RLIM: variants seen among roughly 807,000 people sequenced by gnomAD.
RLIM encodes ring finger protein, LIM domain interacting, also known as E3 ubiquitin-protein ligase RLIM.
Under a neutral mutation model 34.0 loss-of-function variants are expected in RLIM, and 2 were observed. The ratio of observed to expected loss-of-function variants is 0.06; its 90% CI spans 0.02 to 0.19. The LOEUF (loss-of-function observed/expected upper bound fraction) is 0.19. Ranked by LOEUF, RLIM falls within the 10% of genes least tolerant of loss-of-function variation. RLIM has a pLI of 1.00. For missense variants in RLIM, 286 were observed against 479.7 expected, an observed-to-expected ratio of 0.60 and a Z score of 3.77; for synonymous variants, 169 against 164.0, an observed-to-expected ratio of 1.03 and a Z score of -0.23.
At position 74,589,099 on chromosome X, in the gene RLIM, T is replaced by C. The variant is rs2079601257; in HGVS notation, c.*2341A>G. 1 of 111,977 alleles carries C rather than the reference T, an allele frequency of 8.9e-6. No homozygotes were observed. The highest frequency in any genetic ancestry group is 9.5e-5 in the Admixed American group (1 of 10,491). 9.2% of individuals were successfully genotyped at this position (111,977 alleles called of 1,213,427 possible). A position where few individuals can be genotyped will look rare whatever the true frequency, so the allele number is the denominator to read the frequency against. On this transcript the variant is annotated 3_prime_UTR_variant, in exon 4 of 4. Coordinates refer to ENST00000332687, the MANE Select transcript of RLIM (RefSeq NM_016120.4). ...TCAATATCTACATTCATAGCCAGCA[T>C]TCTGCTTGAGTTACCTCTTACTTTA... is the stretch of plus-strand genomic sequence containing the variant.
chrX:74,610,223 C>G (rs1437390314), intron 1 of RLIM, among the ~76,000 whole-genome samples: 1 of 111,527 alleles, frequency 9.0e-6, no homozygotes, highest in African/African-American at 3.3e-5. Flanking sequence ...TCAAGACCAG[C>G]TTGGCCAACA....
At chrX:74,605,241 C>T (rs1413421683) in intron 1 of RLIM, among the ~76,000 whole-genome samples, 1 of 112,246 alleles carries the variant, frequency 8.9e-6, no homozygotes, top group African/African-American at 3.2e-5. Flanking sequence ...TTTAAGCAGA[C>T]CTTCACTATC....
At chrX:74,612,876 A>C (rs1184834626) in intron 1 of RLIM, among the ~76,000 whole-genome samples, 3 of 111,891 alleles carry the variant, frequency 2.7e-5, no homozygotes, top group African/African-American at 9.7e-5. Flanking sequence ...GCTTAAAATA[A>C]GCCTTTCCTT....
rs1931274923 is a variant in RLIM at position 74,583,675 on chromosome X, A to AAGGTG, written c.*7760_*7764dup. 2.6e-6 allele frequency: 1 copy of AAGGTG among 381,551 alleles called. No individual in the cohort carries two copies. Among genetic ancestry groups the AAGGTG allele is most frequent in the Non-Finnish European group, 4.6e-6 (1 of 218,444 alleles). The allele number at this position is 381,551 out of a possible 1,213,427, so 31.4% of individuals were successfully genotyped here. ...GATAGTTCATGTTATTCATAGTGCT[A>AAGGTG]AGGTGTATCTGGTAATGCCCAGTGC... On this transcript the variant is annotated 3_prime_UTR_variant, in exon 4 of 4. Coordinates refer to ENST00000332687, the MANE Select transcript of RLIM (RefSeq NM_016120.4).
chrX:74,609,341 A>G (rs1177168682), intron 1 of RLIM, among the ~76,000 whole-genome samples: 2 of 108,352 alleles, frequency 1.8e-5, no homozygotes, highest in African/African-American at 3.4e-5. Flanking sequence ...GAAAAAAATT[A>G]GCCAGGCGTA....
At chrX:74,609,694 G>C (rs182548169) in intron 1 of RLIM, among the ~76,000 whole-genome samples, 7 of 109,605 alleles carry the variant, frequency 6.4e-5, no homozygotes, top group Non-Finnish European at 9.5e-5. Context: ...AAGAGTAAGG[G>C]TTTACACTTG....
Position 74,594,402 on chromosome X carries a change from A to G in RLIM, c.170-13T>C, listed in dbSNP as rs755669051. The G allele has an allele frequency of 4.4e-6, 5 of 1,144,481 alleles. No homozygotes were observed. In the African/African-American group the frequency reaches 9.0e-5, roughly 21 times the overall value. The allele number at this position is 1,144,481 out of a possible 1,213,427, so 94.3% of individuals were successfully genotyped here. On this transcript the variant is annotated splice_polypyrimidine_tract_variant and intron_variant, in intron 2 of 3. Transcript: ENST00000332687. ...TCAGTACTTTCACCTGAAATTTAACACCACAGGGCAAAGATGACATTAGGG... is the reference window on the plus strand; with the variant it reads ...TCAGTACTTTCACCTGAAATTTAACGCCACAGGGCAAAGATGACATTAGGG...
At position 74,592,712 on chromosome X, in the gene RLIM, C is replaced by G. The variant is rs2079621628; in HGVS notation, c.603G>C (p.Glu201Asp). ...SERNSTEALTEVPPTRGQRRA... is the reference protein window; with the variant it reads ...SERNSTEALTDVPPTRGQRRA... Reference sequence around the variant, plus strand: ...TCCTCTGACCTCTGGTAGGTGGGACCTCTGTTAACGCTTCAGTTGAATTTC... The same window carrying G: ...TCCTCTGACCTCTGGTAGGTGGGACGTCTGTTAACGCTTCAGTTGAATTTC... The change falls in exon 4 of 4, where the codon GAG becomes GAC. Residue 201 changes from glutamate to aspartate, a missense_variant. Transcript: ENST00000332687. The G allele has an allele frequency of 1.7e-6, 2 of 1,210,032 alleles. No homozygotes were observed. The highest frequency in any genetic ancestry group is 4.4e-5 in the Admixed American group (2 of 45,688).
chrX:74,612,355 G>C (rs1021601756), intron 1 of RLIM, among the ~76,000 whole-genome samples: 1 of 111,433 alleles, frequency 9.0e-6, no homozygotes, highest in Non-Finnish European at 1.9e-5. Context: ...TTATTTTAAA[G>C]AGTCAAATTC....
chrX:74,610,430 AAAACAAACAAACAAAC>A (rs753804272), intron 1 of RLIM, among the ~76,000 whole-genome samples: 149 of 104,830 alleles, frequency 1.4e-3, no homozygotes, highest in South Asian at 7.5e-3. Flanking sequence ...TCCTAACCAA[AAAACAAACAAACAAAC>A]AAACAAACAA....
intron 1 of RLIM, among the ~76,000 whole-genome samples, chrX:74,611,468 TAA>T (rs2079710559): frequency 8.9e-6 from 1 of 112,243 alleles, no homozygotes; most frequent in Non-Finnish European, 1.9e-5. Flanking sequence ...GATTTTAAAT[TAA>T]GTTTATCAAA....
At position 74,595,744 on chromosome X, in the gene RLIM, G is replaced by T. The variant is rs78751787; in HGVS notation, c.169+65C>A. On this transcript the variant is annotated intron_variant, in intron 2 of 3. Transcript: ENST00000332687. ...CTAAAGAAATGGATTTTTAAAACAG[G>T]TTCAAGCATTTTTTTTTAAACCAGC... 0.012 allele frequency: 10,554 copies of T among 872,652 alleles called. 897 individuals carry two copies. The Admixed American group carries it at 0.22, about 18-fold the overall frequency. The allele number at this position is 872,652 out of a possible 1,213,427, so 71.9% of individuals were successfully genotyped here. A position where few individuals can be genotyped will look rare whatever the true frequency, so the allele number is the denominator to read the frequency against.
At chrX:74,610,167 T>G (rs1427642354) in intron 1 of RLIM, among the ~76,000 whole-genome samples, 1 of 111,412 alleles carries the variant, frequency 9.0e-6, no homozygotes, top group African/African-American at 3.3e-5. Flanking sequence ...CTGTAATCCC[T>G]GTACTTTGGG....
chrX:74,607,479 G>A (rs2079687375), intron 1 of RLIM, among the ~76,000 whole-genome samples: 1 of 113,090 alleles, frequency 8.8e-6, no homozygotes, highest in Non-Finnish European at 1.9e-5. Flanking sequence ...GGAGGCCGAC[G>A]CGGGCGGATC....
rs1931281032 is a variant in RLIM at position 74,583,859 on chromosome X, A to G, written c.*7581T>C. Among the ~76,000 whole-genome samples the G allele has an allele frequency of 9.0e-6, 1 of 111,312 alleles. No individual in the cohort carries two copies. The highest frequency in any genetic ancestry group is 3.8e-4 in the South Asian group (1 of 2,649). On this transcript the variant is annotated 3_prime_UTR_variant, in exon 4 of 4. Transcript: ENST00000332687. ...TCAGGGGTTCAAGACCAGCCTGGCC[A>G]ACATGGTGAAACCCTGTCTCTACTA...
intron 1 of RLIM, among the ~76,000 whole-genome samples, chrX:74,602,742 C>G (rs1240471767): frequency 1.8e-5 from 2 of 110,599 alleles, no homozygotes; most frequent in Non-Finnish European, 3.8e-5. Context: ...CAAAAGCAGA[C>G]TACATGTAGA....
chrX:74,611,397 T>C (rs901636683), intron 1 of RLIM, among the ~76,000 whole-genome samples: 1 of 112,236 alleles, frequency 8.9e-6, no homozygotes, highest in African/African-American at 3.2e-5. Flanking sequence ...CTCAAAGATA[T>C]CCAACCAGCC....
rs1931334162 is a variant in RLIM at position 74,585,753 on chromosome X, G to A, written c.*5687C>T. 9.0e-6 allele frequency: 1 copy of A among 111,583 alleles called. No individual in the cohort carries two copies. The highest frequency in any genetic ancestry group is 1.9e-5 in the Non-Finnish European group (1 of 53,157). The allele number at this position is 111,583 out of a possible 1,213,427, so 9.2% of individuals were successfully genotyped here. On this transcript the variant is annotated 3_prime_UTR_variant, in exon 4 of 4. Coordinates refer to ENST00000332687, the MANE Select transcript of RLIM (RefSeq NM_016120.4). ...GTCTGCTGGATAGGTATCGGAGAAG[G>A]GTGTTATGTTCAGGTTTAAATTGAA...
intron 1 of RLIM, among the ~76,000 whole-genome samples, chrX:74,605,861 CAG>C (rs2079680152): frequency 9.0e-6 from 1 of 111,114 alleles, no homozygotes; most frequent in African/African-American, 3.3e-5. Context: ...AGGTGACAAA[CAG>C]AAGCACAGAG....
Sources: allele counts gnomAD v4.1 joint callset (sites outside exome capture counted in the v4.1 genomes callset), GRCh38; gene constraint gnomAD v4.1.1; transcripts MANE v1.5; gene names NCBI Gene and HGNC (gene_info 2026-07-23, HGNC 2026-07-21).